The following ZNF177 variants were observed in gnomAD, a reference collection of about 807,000 sequenced individuals.
ZNF177 encodes the protein zinc finger protein 177.
Under a neutral mutation model 19.4 loss-of-function variants are expected in ZNF177, and 17 were observed. The observed-to-expected ratio is 0.87, with a 90% confidence interval of 0.60 to 1.31. ZNF177 has a LOEUF of 1.31. Ranked by LOEUF, ZNF177 falls within the 40% of genes most tolerant of loss-of-function variation. ZNF177 has a pLI of 0.00. For synonymous variants in ZNF177, 220 were observed against 188.7 expected (o/e 1.17, Z -1.36); for missense variants, 633 against 561.8 (o/e 1.13, Z -1.28).
intron 5 of ZNF177, 152 bp downstream of exon 7, chr19:9,380,291 A>C (rs1040358633): frequency 5.5e-5 from 57 of 1,041,610 alleles, no homozygotes; most frequent in Non-Finnish European, 5.8e-5. Flanking sequence ...TTTGATTTTC[A>C]TGAAATTGGA....
At chr19:9,375,962 A>G (rs2068104105), upstream of ZNF177, among the ~76,000 whole-genome samples, 1 of 151,614 alleles carries the variant, frequency 6.6e-6, no homozygotes, top group Non-Finnish European at 1.5e-5. Flanking sequence ...GATCTTTCCT[A>G]CTCACCCTTG....
upstream of ZNF177, among the ~76,000 whole-genome samples, chr19:9,372,163 AT>A (rs2068054524): frequency 6.6e-6 from 1 of 152,082 alleles, no homozygotes; most frequent in African/African-American, 2.4e-5. Context: ...AGATAGGTCG[AT>A]TTGCTTGCAC....
intron 5 of ZNF177, 128 bp downstream of exon 7, chr19:9,380,267 G>A (rs1166855632): frequency 7.7e-6 from 9 of 1,175,950 alleles, no homozygotes; most frequent in Middle Eastern, 2.0e-4. Context: ...AAGCTGTCTC[G>A]GGAGAGTTTG....
chr19:9,372,947 T>C (rs2068066390), upstream of ZNF177, among the ~76,000 whole-genome samples: 1 of 152,228 alleles, frequency 6.6e-6, no homozygotes, highest in South Asian at 2.1e-4. Flanking sequence ...AATGTTTTGA[T>C]CTACCTGTCC....
rs2068187186 is a variant in ZNF177, at chr19:9,380,886, C to CA, written c.557dup (p.Asn186LysfsTer22). On this transcript the variant is annotated frameshift_variant, in exon 6 of 6. Transcript: ENST00000589262. LOFTEE classifies it low-confidence loss of function (END_TRUNC). ...AATTTACTGATTGTAGAAAAGCTTT[C>CA]AATCAAGAGTCATCCCTCAGGAAAC... The CA allele has an allele frequency of 1.5e-5, 23 of 1,536,092 alleles. No individual in the cohort carries two copies. The highest frequency in any genetic ancestry group is 1.9e-5 in the Non-Finnish European group (22 of 1,146,894).
chr19:9,378,850 C>G, intron 2 of ZNF177, 112 bp from the exon 5 acceptor site: 10 of 1,420,202 alleles, frequency 7.0e-6, no homozygotes, highest in Non-Finnish European at 9.3e-6. Context: ...CATGTCTGAG[C>G]TTCCAGTGCC....
chr19:9,380,196 T>TCA, intron 5 of ZNF177, 57 bp downstream of exon 7: 1 of 1,546,312 alleles, frequency 6.5e-7, no homozygotes, highest in African/African-American at 1.4e-5. Context: ...GGAATCTGAA[T>TCA]GAGTTAAAAC....
upstream of ZNF177, among the ~76,000 whole-genome samples, chr19:9,373,573 AT>A (rs1456961625): frequency 6.6e-6 from 1 of 152,154 alleles, no homozygotes; most frequent in Non-Finnish European, 1.5e-5. Context: ...ACAACGATGT[AT>A]AAGGGTTCCC....
chr19:9,373,904 C>T (rs2068078613), upstream of ZNF177, among the ~76,000 whole-genome samples: 1 of 151,838 alleles, frequency 6.6e-6, no homozygotes, highest in Non-Finnish European at 1.5e-5. Flanking sequence ...TGTGCAGAAA[C>T]TTTTTAGTTT....
rs574637880 is a variant in ZNF177 at position 9,380,918 on chromosome 19, G to C, written c.587G>C (p.Arg196Thr). 1.2e-4 allele frequency: 190 copies of C among 1,536,254 alleles called. No homozygotes were observed. The African/African-American group carries it at 2.3e-3, about 19-fold the overall frequency. Residue 196 changes from arginine to threonine, a missense_variant, in exon 6 of 6, where the codon AGA becomes ACA. By Grantham distance (71) the Arg-to-Thr change is moderately conservative (BLOSUM62 -1). Transcript: ENST00000589262. ...GAGTCATCCCTCAGGAAACACTTAA[G>C]AACTCCCACAGGACAGAAGTTTCAG... is the stretch of plus-strand genomic sequence containing the variant.
chr19:9,377,780 C>T (rs773786493), intron 1 of ZNF177, among the ~76,000 whole-genome samples: 1 of 152,124 alleles, frequency 6.6e-6, no homozygotes, highest in Non-Finnish European at 1.5e-5. Flanking sequence ...CCTTTATGGT[C>T]CTTATGAGTT....
At chr19:9,381,677 A>G in exon 6 of ZNF177, 1 of 1,614,252 alleles carries the variant, frequency 6.2e-7, no homozygotes, top group Non-Finnish European at 8.5e-7. Context: ...CACACTGGAG[A>G]GAAGCCTTAT....
At chr19:9,366,032 G>C (rs1239035626) in intron 2 of ZNF177, among the ~76,000 whole-genome samples, 1 of 152,150 alleles carries the variant, frequency 6.6e-6, no homozygotes, top group East Asian at 1.9e-4. Context: ...CGCCAGGCTA[G>C]AGTGCAGTGG....
intron 2 of ZNF177, among the ~76,000 whole-genome samples, chr19:9,368,648 C>T (rs2068010437): frequency 6.6e-6 from 1 of 151,884 alleles, no homozygotes; most frequent in Admixed American, 6.6e-5. Flanking sequence ...TTATTTTTTT[C>T]CTAAGGACCA....
At chr19:9,369,802 A>ACTTAC (rs1476636964) in intron 2 of ZNF177, among the ~76,000 whole-genome samples, 1 of 152,052 alleles carries the variant, frequency 6.6e-6, no homozygotes, top group Non-Finnish European at 1.5e-5. Flanking sequence ...TATCATGCAT[A>ACTTAC]CTTACAGTCT....
chr19:9,379,476 A>G (rs565194707), intron 3 of ZNF177, 51 bp from the exon 6 acceptor site: 2 of 1,580,386 alleles, frequency 1.3e-6, no homozygotes, highest in Admixed American at 1.8e-5. Flanking sequence ...GTTTTGTGGA[A>G]TATTTAATTC....
chr19:9,379,597 A>T (rs1191005737), exon 4 of ZNF177: 11 of 1,613,892 alleles, frequency 6.8e-6, no homozygotes, highest in Non-Finnish European at 9.3e-6. Flanking sequence ...ATGAAAGAGG[A>T]ATTTTACAAG....
intron 2 of ZNF177, among the ~76,000 whole-genome samples, chr19:9,365,479 C>G (rs1196662143): frequency 2.0e-5 from 3 of 151,832 alleles, no homozygotes; most frequent in Admixed American, 6.6e-5. Flanking sequence ...TTCAGGGGTT[C>G]TTGACCCCCA....
At chr19:9,367,637 A>AG (rs1215689392) in intron 2 of ZNF177, among the ~76,000 whole-genome samples, 3 of 152,202 alleles carry the variant, frequency 2.0e-5, no homozygotes, top group South Asian at 4.1e-4. Context: ...TGTTTACTTA[A>AG]AGTGGCCTTG....
Sources: gnomAD v4.1 joint callset for allele counts (sites outside exome capture counted in the v4.1 genomes callset) on GRCh38, gnomAD v4.1.1 for gene constraint, MANE v1.5 for transcripts, NCBI Gene and HGNC (gene_info 2026-07-23, HGNC 2026-07-21) for gene names.